GNB4: variants seen among roughly 807,000 people sequenced by gnomAD.
GNB4 encodes the protein G protein subunit beta 4.
Under a neutral mutation model 45.2 loss-of-function variants are expected in GNB4, and 28 were observed. The observed-to-expected ratio is 0.62, with a 90% CI of 0.46 to 0.85. The LOEUF is 0.85. Ranked by LOEUF, GNB4 falls within the 40% of genes least tolerant of loss-of-function variation. GNB4 has a pLI of 0.00. For missense variants in GNB4, 321 were observed against 425.4 expected, an observed-to-expected ratio of 0.75 and a Z score of 2.16; for synonymous variants, 132 against 143.7, an observed-to-expected ratio of 0.92 and a Z score of 0.58.
intron 1 of GNB4, among the ~76,000 whole-genome samples, chr3:179,436,178 C>A (rs574032412): frequency 6.6e-6 from 1 of 152,140 alleles, no homozygotes; most frequent in Non-Finnish European, 1.5e-5. Context: ...GCAGGTAGAT[C>A]GCCTGAGGCA....
At chr3:179,468,691 T>C in the GNB4 span, among the ~76,000 whole-genome samples, 1 of 152,178 alleles carries the variant, frequency 6.6e-6, no homozygotes, top group Non-Finnish European at 1.5e-5. Context: ...GATACCAACA[T>C]GACATATAGC....
the GNB4 span, among the ~76,000 whole-genome samples, chr3:179,524,678 T>C: frequency 6.6e-6 from 1 of 152,174 alleles, no homozygotes; most frequent in Non-Finnish European, 1.5e-5. Context: ...TTTCAGGGCC[T>C]AGGGCTGTAA....
chr3:179,481,155 A>C, the GNB4 span, among the ~76,000 whole-genome samples: 1 of 151,680 alleles, frequency 6.6e-6, no homozygotes, highest in Non-Finnish European at 1.5e-5. Context: ...CCGGCCGCAA[A>C]CTGATTTCAA....
the GNB4 span, among the ~76,000 whole-genome samples, chr3:179,468,494 T>C: frequency 9.6e-6 from 1 of 104,330 alleles, no homozygotes; most frequent in Non-Finnish European, 2.0e-5. Flanking sequence ...AAACTCTGTC[T>C]CAAGAAAAAA....
intron 3 of GNB4, 59 bp from the exon 4 acceptor site, chr3:179,419,564 G>T: frequency 1.9e-6 from 2 of 1,045,676 alleles, no homozygotes; most frequent in South Asian, 1.3e-5. Context: ...GAGATAACTT[G>T]AACTAGAAAC....
chr3:179,508,664 T>G, the GNB4 span, among the ~76,000 whole-genome samples: 1 of 151,954 alleles, frequency 6.6e-6, no homozygotes, highest in Non-Finnish European at 1.5e-5. Context: ...AAATACATAT[T>G]TTATTGTTTT....
intron 8 of GNB4, among the ~76,000 whole-genome samples, chr3:179,410,030 G>A (rs1218787224): frequency 6.6e-6 from 1 of 152,052 alleles, no homozygotes; most frequent in Non-Finnish European, 1.5e-5. Context: ...GAGATCTGAT[G>A]GTTTATAAGG....
At chr3:179,487,821 C>G in the GNB4 span, among the ~76,000 whole-genome samples, 14,263 of 151,998 alleles carry the variant, frequency 0.094, 1,186 homozygotes, top group African/African-American at 0.23. Flanking sequence ...GAGGCCAAGG[C>G]GGGCAGATCA....
intron 1 of GNB4, among the ~76,000 whole-genome samples, chr3:179,446,539 T>C (rs1236897959): frequency 3.3e-5 from 5 of 152,216 alleles, no homozygotes; most frequent in Non-Finnish European, 5.9e-5. Flanking sequence ...TTTCTAATCG[T>C]ATTGTAATTA....
At chr3:179,425,502 G>A (rs760895207) in intron 2 of GNB4, among the ~76,000 whole-genome samples, 28 of 152,022 alleles carry the variant, frequency 1.8e-4, no homozygotes, top group Non-Finnish European at 2.6e-4. Context: ...ACAGAGTCTC[G>A]CTCTGTCACC....
intron 1 of GNB4, among the ~76,000 whole-genome samples, chr3:179,448,380 A>G (rs1715789659): frequency 6.6e-6 from 1 of 152,144 alleles, no homozygotes; most frequent in Non-Finnish European, 1.5e-5. Flanking sequence ...CAGAATTGCT[A>G]CACCTCTACC....
At chr3:179,471,491 C>A in the GNB4 span, among the ~76,000 whole-genome samples, 25 of 151,574 alleles carry the variant, frequency 1.6e-4, no homozygotes, top group Non-Finnish European at 3.2e-4. Context: ...GTTATAATTG[C>A]CTACAGTATT....
chr3:179,491,589 C>T, the GNB4 span, among the ~76,000 whole-genome samples: 2 of 152,122 alleles, frequency 1.3e-5, no homozygotes, highest in South Asian at 4.1e-4. Flanking sequence ...GAGGCCATAC[C>T]ATCCTCTGGA....
At chr3:179,456,963 A>G in the GNB4 span, among the ~76,000 whole-genome samples, 1 of 152,206 alleles carries the variant, frequency 6.6e-6, no homozygotes, top group Non-Finnish European at 1.5e-5. Flanking sequence ...ATTGCTTTGA[A>G]CTGATACCAA....
chr3:179,419,449 C>T lies in GNB4; in HGVS notation c.153G>A (p.Leu51=), dbSNP rs531278142. Residue 51 remains leucine (L), a synonymous_variant, in exon 4 of 10, where the codon CTG becomes CTA. Coordinates refer to ENST00000232564, the MANE Select transcript of GNB4 (RefSeq NM_021629.4). ...GRIQMRTRRT[L]RGHLAKIYAM... is the part of the protein sequence containing the mutation. ...CATAGATTTTAGCTAGGTGGCCCCTCAGTGTACGTCTTGTTCGCATTTGTA... is the reference window on the plus strand; with the variant it reads ...CATAGATTTTAGCTAGGTGGCCCCTTAGTGTACGTCTTGTTCGCATTTGTA... 33 of 1,613,464 alleles carry T rather than the reference C, an allele frequency of 2.0e-5. No homozygotes were observed. In the South Asian group the frequency reaches 3.5e-4, roughly 17 times the overall value.
chr3:179,444,501 G>A (rs1430176310), intron 1 of GNB4, among the ~76,000 whole-genome samples: 1 of 147,638 alleles, frequency 6.8e-6, no homozygotes, highest in Non-Finnish European at 1.5e-5. Context: ...AAGATCCCTT[G>A]TTGACAAATT....
At chr3:179,435,099 T>A (rs1408245075) in intron 1 of GNB4, among the ~76,000 whole-genome samples, 1 of 152,134 alleles carries the variant, frequency 6.6e-6, no homozygotes. Flanking sequence ...TTAGGCAGGT[T>A]AAATAACTTG....
chr3:179,424,897 T>C (rs937876874), intron 2 of GNB4, among the ~76,000 whole-genome samples: 2 of 152,158 alleles, frequency 1.3e-5, no homozygotes, highest in African/African-American at 4.8e-5. Context: ...CGTGAGCCAC[T>C]GCCCCCAGCC....
the GNB4 span, among the ~76,000 whole-genome samples, chr3:179,492,879 C>T: frequency 6.6e-6 from 1 of 152,186 alleles, no homozygotes; most frequent in Non-Finnish European, 1.5e-5. Flanking sequence ...CCACAACATC[C>T]TTTGCTGCCA....
Sources: gnomAD v4.1 joint callset for allele counts (sites outside exome capture counted in the v4.1 genomes callset) on GRCh38, gnomAD v4.1.1 for gene constraint, MANE v1.5 for transcripts, NCBI Gene and HGNC (gene_info 2026-07-23, HGNC 2026-07-21) for gene names.